Variants in PITPNM3 observed in about 807,000 individuals in gnomAD.
PITPNM3 encodes the protein PITPNM family member 3.
PITPNM3 carries 26 observed loss-of-function variants against 102.0 expected under a neutral mutation model. The ratio of observed to expected loss-of-function variants is 0.25; its 90% CI spans 0.19 to 0.35. The LOEUF (loss-of-function observed/expected upper bound fraction) is 0.35, where lower values mean the gene tolerates loss of function less well. PITPNM3 is among the 10% of genes least tolerant of loss of function. The probability of loss-of-function intolerance (pLI) is 1.00; values close to 1 mark genes in which losing one functional copy is unlikely to be tolerated. For missense variants in PITPNM3, 1,083 were observed against 1,346.1 expected (o/e 0.80, Z 3.06); for synonymous variants, 578 against 558.6 (o/e 1.03, Z -0.49).
intron 3 of PITPNM3, 99 bp from the exon 4 acceptor site, chr17:6,503,673 C>T (rs1907321894): frequency 8.0e-7 from 1 of 1,249,778 alleles, no homozygotes; most frequent in Non-Finnish European, 1.1e-6. Context: ...GACCCTCACT[C>T]TAGAGCTTGG....
chr17:6,455,032 C>T lies in PITPNM3; in HGVS notation c.*306G>A. The T allele has an allele frequency of 4.8e-6, 2 of 418,178 alleles. No homozygotes were observed. Among genetic ancestry groups the T allele is most frequent in the Non-Finnish European group, 8.5e-6 (2 of 235,486 alleles). The allele number at this position is 418,178 out of a possible 1,614,324, so 25.9% of individuals were successfully genotyped here. A position where few individuals can be genotyped will look rare whatever the true frequency, so the allele number is the denominator to read the frequency against. The stretch of plus-strand genomic sequence containing the variant: ...AGGAGGGTGGTCGACTTTGCCCAAA[C>T]GCTTCAGCCCCGGGCAAGCCTGCCC... On this transcript the variant is annotated 3_prime_UTR_variant, in exon 20 of 20. Transcript: ENST00000262483.
intron 2 of PITPNM3, among the ~76,000 whole-genome samples, chr17:6,528,934 T>C (rs562493401): frequency 3.3e-5 from 5 of 152,340 alleles, no homozygotes; most frequent in African/African-American, 1.2e-4. Context: ...TTGTAGGACA[T>C]GCCTCCAACA....
chr17:6,535,263 G>A (rs1329367352), intron 2 of PITPNM3, among the ~76,000 whole-genome samples: 1 of 152,118 alleles, frequency 6.6e-6, no homozygotes, highest in East Asian at 1.9e-4. Context: ...AGACCCTCAA[G>A]GGATACTCAG....
intron 2 of PITPNM3, among the ~76,000 whole-genome samples, chr17:6,528,041 T>C (rs1169517814): frequency 6.6e-6 from 1 of 152,210 alleles, no homozygotes; most frequent in Non-Finnish European, 1.5e-5. Context: ...CGATCAAATA[T>C]GTCCTTCTCT....
chr17:6,525,929 G>C (rs373375667), intron 2 of PITPNM3, among the ~76,000 whole-genome samples: 16 of 152,230 alleles, frequency 1.1e-4, no homozygotes, highest in African/African-American at 3.9e-4. Flanking sequence ...TTAGTGCAGA[G>C]GAGGTGCTCA....
chr17:6,461,266 A>G, intron 18 of PITPNM3, 107 bp downstream of exon 18: 1 of 1,343,024 alleles, frequency 7.4e-7, no homozygotes. Flanking sequence ...TGGGATTTAC[A>G]GACTGCACAT....
At chr17:6,524,055 C>G (rs954123473) in intron 3 of PITPNM3, among the ~76,000 whole-genome samples, 6 of 152,322 alleles carry the variant, frequency 3.9e-5, no homozygotes, top group African/African-American at 1.4e-4. Context: ...ATGACCACAC[C>G]AGGCCTGCCC....
At chr17:6,490,799 CAAAAATT>C (rs1224039968) in intron 4 of PITPNM3, among the ~76,000 whole-genome samples, 1 of 150,702 alleles carries the variant, frequency 6.6e-6, no homozygotes, top group East Asian at 2.0e-4. Context: ...ACTAAAAATA[CAAAAATT>C]AGACAGGCGT....
At chr17:6,515,452 T>C (rs1304642958) in intron 3 of PITPNM3, among the ~76,000 whole-genome samples, 3 of 148,822 alleles carry the variant, frequency 2.0e-5, no homozygotes, top group Non-Finnish European at 3.0e-5. Flanking sequence ...TTGAGCTAGA[T>C]AATGGTGATA....
Position 6,472,427 on chromosome 17 carries a change from A to C in PITPNM3, c.1429+230T>G, listed in dbSNP as rs1049749524. 2.7e-4 allele frequency among the ~76,000 whole-genome samples: 41 copies of C among 152,210 alleles called. No homozygotes were observed. The highest frequency in any genetic ancestry group is 4.0e-4 in the Non-Finnish European group (27 of 68,026). On this transcript the variant is annotated intron_variant, in intron 11 of 19. Transcript: ENST00000262483. The surrounding 1 kb of genome is among the most constrained non-coding windows in gnomAD (Gnocchi z 4.1). ...GCTCAAGTTTACACCAGCCCTGGCC[A>C]CAGGAGTGTGTCCGGGAGCCTGTTG... is the stretch of plus-strand genomic sequence containing the variant.
intron 4 of PITPNM3, among the ~76,000 whole-genome samples, chr17:6,498,300 C>T (rs1437857799): frequency 6.6e-6 from 1 of 152,180 alleles, no homozygotes; most frequent in Non-Finnish European, 1.5e-5. Context: ...CCCAATTAGC[C>T]CACAAGAAAA....
At chr17:6,498,198 C>T (rs978447990) in intron 4 of PITPNM3, among the ~76,000 whole-genome samples, 3 of 152,220 alleles carry the variant, frequency 2.0e-5, no homozygotes, top group East Asian at 3.9e-4. Context: ...GCCAACAGTG[C>T]GGGGTCCAGA....
chr17:6,462,165 A>G (rs1904494647), intron 17 of PITPNM3, among the ~76,000 whole-genome samples: 1 of 152,214 alleles, frequency 6.6e-6, no homozygotes, highest in Non-Finnish European at 1.5e-5. Context: ...GTTGTCCTAA[A>G]GACGAAAGGA....
chr17:6,534,534 A>G (rs1393930863), intron 2 of PITPNM3, among the ~76,000 whole-genome samples: 1 of 152,158 alleles, frequency 6.6e-6, no homozygotes, highest in Admixed American at 6.5e-5. Flanking sequence ...CATCAAAGGG[A>G]AAGGGCTGAC....
Position 6,472,562 on chromosome 17 carries a change from G to A in PITPNM3, c.1429+95C>T, listed in dbSNP as rs752555112. The A allele has an allele frequency of 2.7e-6, 4 of 1,468,274 alleles. No individual in the cohort carries two copies. Among genetic ancestry groups the A allele is most frequent in the Non-Finnish European group, 2.8e-6 (3 of 1,073,356 alleles). 91.0% of individuals were successfully genotyped at this position (1,468,274 alleles called of 1,614,324 possible). A position where few individuals can be genotyped will look rare whatever the true frequency, so the allele number is the denominator to read the frequency against. On this transcript the variant is annotated intron_variant, in intron 11 of 19. Transcript: ENST00000262483. The surrounding 1 kb of genome is among the most constrained non-coding windows in gnomAD (Gnocchi z 4.1). ...TTCTGTTCTCACAGCCCCTGCTCAG[G>A]TGAGTCACCCTACTCACTGAGAGCT...
intron 4 of PITPNM3, among the ~76,000 whole-genome samples, chr17:6,499,852 T>C (rs575113392): frequency 6.6e-6 from 1 of 152,250 alleles, no homozygotes; most frequent in East Asian, 1.9e-4. Flanking sequence ...TGCCTCAGCC[T>C]CCCAAGTAGC....
intron 4 of PITPNM3, among the ~76,000 whole-genome samples, chr17:6,488,132 A>C (rs1003442215): frequency 1.3e-5 from 2 of 152,164 alleles, no homozygotes; most frequent in African/African-American, 4.8e-5. Context: ...GTAGACAAGC[A>C]GGGGCAGCCG....
At position 6,478,212 on chromosome 17, in the gene PITPNM3, G is replaced by T; in HGVS notation, c.778-115C>A. On this transcript the variant is annotated intron_variant, in intron 7 of 19. Transcript: ENST00000262483. This position sits in a 1 kb window ranked among gnomAD's most constrained non-coding sequence, Gnocchi z 4.4. ...AGAATGAGAAACTCGTCCTTGGGAG[G>T]TGTTGAGAGAGCCCAACTGGGAAGC... The T allele has an allele frequency of 6.5e-7, 1 of 1,534,988 alleles. No individual in the cohort carries two copies.
rs914292834 is a variant in PITPNM3, at chr17:6,484,229, T to C, written c.338A>G (p.His113Arg). 6.2e-7 allele frequency: 1 copy of C among 1,610,516 alleles called. No homozygotes were observed. ...AGCCCAGCCTACCTCGCTGTCTTCGTGGATCTCGATGCTTCCCTGGGCTGG... is the reference window on the plus strand; with the variant it reads ...AGCCCAGCCTACCTCGCTGTCTTCGCGGATCTCGATGCTTCCCTGGGCTGG... ...RFPAQGSIEI[H>R]EDSEEGCPQR... Residue 113 changes from histidine (H) to arginine (R), a missense_variant, in exon 5 of 20, where the codon CAC becomes CGC. This residue lies in a region of PITPNM3 where 290 missense variants were observed against 337.8 expected (regional missense o/e 0.86). Transcript: ENST00000262483.
Sources: gnomAD v4.1 joint callset for allele counts (sites outside exome capture counted in the v4.1 genomes callset) on GRCh38, gnomAD v4.1.1 for gene constraint, gnomAD v4.1.1 regional missense constraint, Gnocchi (gnomAD v3.1) non-coding constraint, MANE v1.5 for transcripts, NCBI Gene and HGNC (gene_info 2026-07-23, HGNC 2026-07-21) for gene names.